TMPRSS7: variants seen among roughly 807,000 people sequenced by gnomAD.
The protein encoded by TMPRSS7 is transmembrane serine protease 7.
Under a neutral mutation model 95.6 loss-of-function variants are expected in TMPRSS7, and 81 were observed. The ratio of observed to expected loss-of-function variants is 0.85; its 90% confidence interval spans 0.71 to 1.02. The LOEUF is 1.02. Ranked by LOEUF, TMPRSS7 falls within the 50% of genes least tolerant of loss-of-function variation. TMPRSS7 has a pLI of 0.00. For missense variants in TMPRSS7, 945 were observed against 955.2 expected (o/e 0.99, Z 0.14); for synonymous variants, 364 against 337.8 (o/e 1.08, Z -0.85).
intron 1 of TMPRSS7, among the ~76,000 whole-genome samples, chr3:112,035,690 G>C (rs552631709): frequency 6.6e-6 from 1 of 152,292 alleles, no homozygotes; most frequent in South Asian, 2.1e-4. Context: ...TAGTTACCCT[G>C]ACTTGTATAA....
chr3:112,062,002 T>C, intron 11 of TMPRSS7, 79 bp downstream of exon 11: 4 of 1,173,588 alleles, frequency 3.4e-6, no homozygotes, highest in Non-Finnish European at 4.5e-6. Context: ...ACCGTGAGAA[T>C]TTAAGAAATG....
At chr3:112,061,949 A>C in intron 11 of TMPRSS7, 26 bp downstream of exon 11, 1 of 1,573,104 alleles carries the variant, frequency 6.4e-7, no homozygotes, top group Non-Finnish European at 8.6e-7. Context: ...CCTCCTTAGG[A>C]AAACTTAATA....
intron 2 of TMPRSS7, among the ~76,000 whole-genome samples, chr3:112,038,595 C>T (rs4682079): frequency 0.29 from 43,818 of 152,012 alleles, 7,309 homozygotes; most frequent in Middle Eastern, 0.38. Context: ...CTCAGCCTCC[C>T]GAGTAGCTGA....
At chr3:112,055,097 A>C (rs2073415983) in intron 9 of TMPRSS7, among the ~76,000 whole-genome samples, 1 of 152,036 alleles carries the variant, frequency 6.6e-6, no homozygotes, top group Non-Finnish European at 1.5e-5. Flanking sequence ...AAAAAAATTG[A>C]TATGTGTTCT....
rs73856353 is a variant in TMPRSS7, at chr3:112,078,683, T to C, written c.2225-59T>C. 6.1e-3 allele frequency: 9,726 copies of C among 1,604,348 alleles called. 228 individuals are homozygous for C. The highest frequency in any genetic ancestry group is 0.059 in the East Asian group (2,637 of 44,734). ...ATGTGTGTTAACTTTTCAAATGAAG[T>C]CCTGAATACATGCGGCCATTACCAC... On this transcript the variant is annotated intron_variant, in intron 16 of 17. Coordinates refer to ENST00000452346, the Ensembl canonical transcript of TMPRSS7.
chr3:112,043,356 C>G (rs1576097890), intron 3 of TMPRSS7, among the ~76,000 whole-genome samples: 1 of 152,088 alleles, frequency 6.6e-6, no homozygotes, highest in East Asian at 1.9e-4. Flanking sequence ...CTGTCATTGA[C>G]CAAAATGTCA....
intron 11 of TMPRSS7, 28 bp from the exon 12 acceptor site, chr3:112,063,497 C>A: frequency 6.4e-7 from 1 of 1,573,634 alleles, no homozygotes; most frequent in Non-Finnish European, 8.7e-7. Flanking sequence ...CCAAGATTTT[C>A]TATTTTTTGA....
intron 13 of TMPRSS7, among the ~76,000 whole-genome samples, chr3:112,070,715 T>A (rs909896871): frequency 2.0e-5 from 3 of 152,256 alleles, no homozygotes; most frequent in Admixed American, 2.0e-4. Flanking sequence ...TTTGAGCCTA[T>A]GTCTGTCTCT....
intron 9 of TMPRSS7, among the ~76,000 whole-genome samples, chr3:112,052,926 A>G (rs2073380556): frequency 1.1e-5 from 1 of 88,112 alleles, no homozygotes; most frequent in South Asian, 4.0e-4. Context: ...ATGCTGAAGA[A>G]AAAAAAAAAA....
rs964162141 is a variant in TMPRSS7, at chr3:112,051,531, C to T, written c.1203+748C>T. On this transcript the variant is annotated intron_variant, in intron 9 of 17. Coordinates refer to ENST00000452346, the Ensembl canonical transcript of TMPRSS7. Reference sequence around the variant, plus strand: ...GTATACGAAATATCTATCTATCTATCTATCTATCTATCTATCTATCTATCT... The same window carrying T: ...GTATACGAAATATCTATCTATCTATTTATCTATCTATCTATCTATCTATCT... Among the ~76,000 whole-genome samples the T allele has an allele frequency of 9.0e-4, 134 of 148,088 alleles. 1 individual carries two copies. The highest frequency in any genetic ancestry group is 7.1e-3 in the Middle Eastern group (2 of 280).
intron 11 of TMPRSS7, 40 bp from the exon 12 acceptor site, chr3:112,063,485 A>G: frequency 1.3e-6 from 2 of 1,509,342 alleles, no homozygotes. Context: ...TCAGGGATCT[A>G]TCCAAGATTT....
chr3:112,057,588 A>G (rs1026025486), intron 10 of TMPRSS7, among the ~76,000 whole-genome samples: 5 of 152,168 alleles, frequency 3.3e-5, no homozygotes, highest in African/African-American at 1.2e-4. Context: ...GAACCAATCT[A>G]CTTGGCTGTA....
rs1291064062 is a variant in TMPRSS7 at position 112,042,066 on chromosome 3, T to TA, written c.429+17dup. 1.3e-6 allele frequency: 2 copies of TA among 1,548,806 alleles called. No homozygotes were observed. Among genetic ancestry groups the TA allele is most frequent in the Admixed American group, 3.9e-5 (2 of 50,892 alleles). On this transcript the variant is annotated intron_variant, in intron 3 of 17. Transcript: ENST00000452346. ...GCAGCAAGTGGTGAGGCGATGGAGGTAGAGGGTATTAGGGTAGAGTGGGTT... is the reference window on the plus strand; with the variant it reads ...GCAGCAAGTGGTGAGGCGATGGAGGTAAGAGGGTATTAGGGTAGAGTGGGTT...
chr3:112,053,572 G>T (rs2073392538), intron 9 of TMPRSS7, among the ~76,000 whole-genome samples: 1 of 152,210 alleles, frequency 6.6e-6, no homozygotes. Flanking sequence ...AAAGGGTGTT[G>T]AGTTTGTATT....
chr3:112,051,515 A>ATATC (rs10546401), intron 9 of TMPRSS7, among the ~76,000 whole-genome samples: 350 of 145,528 alleles, frequency 2.4e-3, no homozygotes, highest in East Asian at 4.5e-3. Context: ...TGTATACGAA[A>ATATC]TATCTATCTA....
At chr3:112,064,351 C>CTTTCCTTTTT (rs2107754527) in intron 12 of TMPRSS7, among the ~76,000 whole-genome samples, 1 of 149,124 alleles carries the variant, frequency 6.7e-6, no homozygotes, top group Non-Finnish European at 1.5e-5. Flanking sequence ...TGTGTGTTTT[C>CTTTCCTTTTT]TTTTCTTTTT....
At chr3:112,074,149 T>G (rs1472786523) in intron 13 of TMPRSS7, 147 bp from the exon 14 acceptor site, 5 of 583,570 alleles carry the variant, frequency 8.6e-6, no homozygotes, top group Non-Finnish European at 1.5e-5. Flanking sequence ...GTTGCTTCTC[T>G]TCTCTCTGCC....
intron 2 of TMPRSS7, among the ~76,000 whole-genome samples, chr3:112,038,941 A>T (rs972957634): frequency 3.3e-5 from 5 of 152,210 alleles, no homozygotes; most frequent in African/African-American, 1.2e-4. Flanking sequence ...TGACTGGTTC[A>T]GAAATGTAAT....
chr3:112,058,222 G>A (rs979590110), intron 10 of TMPRSS7, among the ~76,000 whole-genome samples: 9 of 152,076 alleles, frequency 5.9e-5, no homozygotes, highest in East Asian at 3.8e-4. Flanking sequence ...CAGACTACTT[G>A]CAAAATAACT....
Sources: allele counts gnomAD v4.1 joint callset (sites outside exome capture counted in the v4.1 genomes callset), GRCh38; gene constraint gnomAD v4.1.1; transcripts MANE v1.5; gene names NCBI Gene and HGNC (gene_info 2026-07-23, HGNC 2026-07-21).